GPR143: variants seen among roughly 807,000 people sequenced by gnomAD.
GPR143 encodes G-protein coupled receptor 143.
GPR143 carries 8 observed loss-of-function variants against 27.6 expected under a neutral mutation model. The ratio of observed to expected loss-of-function variants is 0.29; its 90% CI spans 0.17 to 0.52. The LOEUF (loss-of-function observed/expected upper bound fraction) is 0.52. Among genes scored for constraint, GPR143 ranks in the 20% least tolerant of loss-of-function variants. The pLI is 0.96. For synonymous variants in GPR143, 156 were observed against 153.2 expected, an observed-to-expected ratio of 1.02 and a Z score of -0.13; for missense variants, 303 against 343.1, an observed-to-expected ratio of 0.88 and a Z score of 0.92.
At chrX:9,757,984 A>G (rs1050124535) in intron 3 of GPR143, among the ~76,000 whole-genome samples, 5 of 110,222 alleles carry the variant, frequency 4.5e-5, no homozygotes, top group Non-Finnish European at 9.5e-5. Flanking sequence ...GCTGGTCTCA[A>G]AACTCCTGGG....
intron 3 of GPR143, among the ~76,000 whole-genome samples, chrX:9,750,429 A>G (rs762692814): frequency 9.2e-6 from 1 of 108,940 alleles, no homozygotes; most frequent in East Asian, 2.9e-4. Flanking sequence ...GGCTGGTTTC[A>G]AACTCCTGGC....
rs1349869011 is a variant in GPR143 at position 9,744,252 on chromosome X, C to T, written c.659-579G>A. The stretch of plus-strand genomic sequence containing the variant: ...TCCGGGAGGCTGGTGCACGAGAATC[C>T]CTTGGACTCAGGAGGCAGAGATTGC... On this transcript the variant is annotated intron_variant, in intron 5 of 8. Coordinates refer to ENST00000467482, the MANE Select transcript of GPR143 (RefSeq NM_000273.3). Among the ~76,000 whole-genome samples, 2 of 110,932 alleles carry T rather than the reference C, an allele frequency of 1.8e-5. 1 individual carries two copies. The highest frequency in any genetic ancestry group is 3.8e-5 in the Non-Finnish European group (2 of 52,959).
At chrX:9,725,983 A>C (rs1457446138) in intron 8 of GPR143, 143 bp from the exon 9 acceptor site, 69 of 663,949 alleles carry the variant, frequency 1.0e-4, no homozygotes, top group African/African-American at 5.8e-4. Flanking sequence ...TCATCTGCAA[A>C]AAAAAAAAAA....
intron 3 of GPR143, among the ~76,000 whole-genome samples, chrX:9,753,410 GA>G (rs5901416): frequency 0.11 from 8,026 of 72,821 alleles, 456 homozygotes; most frequent in African/African-American, 0.21. Flanking sequence ...AACAGAATCT[GA>G]AAAAAAAAAA....
At chrX:9,754,336 C>G (rs1223638523) in intron 3 of GPR143, among the ~76,000 whole-genome samples, 1 of 111,959 alleles carries the variant, frequency 8.9e-6, no homozygotes, top group Non-Finnish European at 1.9e-5. Context: ...CCTGGCATGG[C>G]TCTTCCCTAG....
At chrX:9,760,912 A>C (rs2083495888) in intron 1 of GPR143, 86 bp from the exon 2 acceptor site, 1 of 522,821 alleles carries the variant, frequency 1.9e-6, no homozygotes, top group Non-Finnish European at 3.4e-6. Flanking sequence ...ATAGATACAT[A>C]ATAGATAGAG....
intron 3 of GPR143, among the ~76,000 whole-genome samples, chrX:9,756,940 G>A (rs988879092): frequency 8.9e-6 from 1 of 112,748 alleles, no homozygotes; most frequent in African/African-American, 3.2e-5. Flanking sequence ...ACAAATGTCA[G>A]TTGCAGCATT....
intron 1 of GPR143, among the ~76,000 whole-genome samples, 184 bp from the exon 2 acceptor site, chrX:9,761,010 A>ATAC (rs2083496899): frequency 9.0e-6 from 1 of 111,427 alleles, no homozygotes; most frequent in Non-Finnish European, 1.9e-5. Context: ...GGAAGAAAGG[A>ATAC]AGAAAAAACA....
At chrX:9,728,558 G>A (rs1368588030) in intron 8 of GPR143, among the ~76,000 whole-genome samples, 1 of 96,348 alleles carries the variant, frequency 1.0e-5, no homozygotes, top group African/African-American at 3.9e-5. Flanking sequence ...GGCTCCAGCT[G>A]TAACCCTAGC....
At chrX:9,752,185 C>T (rs1239373179) in intron 3 of GPR143, among the ~76,000 whole-genome samples, 1 of 112,303 alleles carries the variant, frequency 8.9e-6, no homozygotes, top group Non-Finnish European at 1.9e-5. Flanking sequence ...CCTCAGGCTC[C>T]CAAGTAGCTA....
chrX:9,730,813 A>C (rs936607823), intron 8 of GPR143, among the ~76,000 whole-genome samples: 5 of 112,018 alleles, frequency 4.5e-5, no homozygotes, highest in African/African-American at 1.6e-4. Context: ...TCTTGTTTGA[A>C]GCATGACTCC....
In GPR143 at chrX:9,771,237, ATGT is replaced by A. The variant is rs771040213; in HGVS notation, c.-2-10414_-2-10412del. 1.4e-3 allele frequency among the ~76,000 whole-genome samples: 153 copies of A among 111,606 alleles called. 1 individual carries two copies. The highest frequency in any genetic ancestry group is 4.6e-3 in the African/African-American group (142 of 30,739). ...TCATGTCTGGCTAATTAAAAAAAAA[ATGT>A]TGTAGAAATGAGGTCTTGCTATGTT... On this transcript the variant is annotated intron_variant, in intron 1 of 7. Transcript: ENST00000447366.
chrX:9,777,441 T>C (rs762194355), intron 1 of GPR143, among the ~76,000 whole-genome samples: 1 of 111,504 alleles, frequency 9.0e-6, no homozygotes, highest in Non-Finnish European at 1.9e-5. Context: ...GAACTGAATC[T>C]CTCAGGGAGA....
chrX:9,728,457 G>A (rs112197122), intron 8 of GPR143, among the ~76,000 whole-genome samples: 1 of 106,416 alleles, frequency 9.4e-6, no homozygotes, highest in African/African-American at 3.4e-5. Flanking sequence ...TGTGACATCA[G>A]GAGAGATGTA....
chrX:9,757,156 C>G (rs943091526), intron 3 of GPR143, among the ~76,000 whole-genome samples: 1 of 112,382 alleles, frequency 8.9e-6, no homozygotes, highest in African/African-American at 3.2e-5. Flanking sequence ...GCTCACAGCT[C>G]TGGAGGCTGG....
intron 6 of GPR143, among the ~76,000 whole-genome samples, chrX:9,742,926 G>C (rs1326129618): frequency 1.8e-5 from 2 of 111,424 alleles, no homozygotes; most frequent in Non-Finnish European, 3.8e-5. Context: ...GGCCAACATG[G>C]TGAAACCTCA....
upstream of GPR143, among the ~76,000 whole-genome samples, chrX:9,769,771 G>A (rs1003363375): frequency 3.6e-5 from 4 of 110,085 alleles, no homozygotes; most frequent in East Asian, 2.9e-4. Flanking sequence ...GAGTACAGAC[G>A]GCGTTTTGCC....
At position 9,725,588 on chromosome X, in the gene GPR143, A is replaced by C; in HGVS notation, c.*158T>G. On this transcript the variant is annotated 3_prime_UTR_variant, in exon 9 of 9. Transcript: ENST00000467482. Reference sequence around the variant, plus strand: ...TGCATGAACCCTTTCTCCTATCCTAAAGGCCCTTCGGGAAGAAGCTCTAGC... The same window carrying C: ...TGCATGAACCCTTTCTCCTATCCTACAGGCCCTTCGGGAAGAAGCTCTAGC... 1 of 468,315 alleles carries C rather than the reference A, an allele frequency of 2.1e-6. No homozygotes were observed. The highest frequency in any genetic ancestry group is 3.3e-5 in the Admixed American group (1 of 30,601). 38.6% of individuals were successfully genotyped at this position (468,315 alleles called of 1,213,427 possible).
At chrX:9,749,595 G>A (rs892154536) in intron 3 of GPR143, among the ~76,000 whole-genome samples, 36 of 112,049 alleles carry the variant, frequency 3.2e-4, no homozygotes, top group Non-Finnish European at 6.0e-4. Context: ...GTTCACTGAC[G>A]TTGTAGCATG....
Sources: allele counts gnomAD v4.1 joint callset (sites outside exome capture counted in the v4.1 genomes callset), GRCh38; gene constraint gnomAD v4.1.1; transcripts MANE v1.5; gene names NCBI Gene and HGNC (gene_info 2026-07-23, HGNC 2026-07-21).